The following CCDC150 variants were observed in gnomAD, a reference collection of about 807,000 sequenced individuals.
CCDC150 encodes the protein coiled-coil domain-containing protein 150.
Under a neutral mutation model 156.5 loss-of-function variants are expected in CCDC150, and 151 were observed. The ratio of observed to expected loss-of-function variants is 0.97; its 90% confidence interval spans 0.85 to 1.10. The LOEUF is 1.10. CCDC150 is among the 50% of genes least tolerant of loss of function. CCDC150 has a pLI of 0.00. For synonymous variants in CCDC150, 452 were observed against 429.4 expected, an observed-to-expected ratio of 1.05 and a Z score of -0.65; for missense variants, 1,312 against 1,268.1, an observed-to-expected ratio of 1.03 and a Z score of -0.53.
rs1323147038 is a variant in CCDC150, at chr2:196,665,596, C to A, written c.675C>A (p.Tyr225Ter). The change falls in exon 6 of 28, where the codon TAC becomes TAA. Residue 225 changes from tyrosine (Y) to a stop codon, truncating the protein, a stop_gained. Coordinates refer to ENST00000389175, the MANE Select transcript of CCDC150 (RefSeq NM_001080539.2). LOFTEE classifies it high-confidence loss of function. ...ELRRQLAQEK[Y>*]LRESLEKSAS... ...GGAGACAACTGGCTCAGGAGAAGTA[C>A]CTTAGGGAATCTTTAGAGAAATCAG... 20 of 1,604,338 alleles carry A rather than the reference C, an allele frequency of 1.2e-5. No homozygotes were observed. The highest frequency in any genetic ancestry group is 1.7e-4 in the Middle Eastern group (1 of 6,044).
intron 13 of CCDC150, among the ~76,000 whole-genome samples, chr2:196,692,848 G>A (rs1360631213): frequency 1.3e-5 from 2 of 152,142 alleles, no homozygotes; most frequent in African/African-American, 4.8e-5. Flanking sequence ...ATTTGATCTA[G>A]TGCTGAGTTC....
At chr2:196,721,212 A>C (rs1194192298) in intron 20 of CCDC150, among the ~76,000 whole-genome samples, 1 of 150,414 alleles carries the variant, frequency 6.6e-6, no homozygotes, top group Non-Finnish European at 1.5e-5. Flanking sequence ...AATTTAGTTT[A>C]AAATTTAAAA....
chr2:196,639,807 G>A, intron 1 of CCDC150, 29 bp downstream of exon 1: 1 of 1,571,950 alleles, frequency 6.4e-7, no homozygotes, highest in Non-Finnish European at 8.7e-7. Context: ...GGGCTGGTGA[G>A]GGGTGGTCGG....
chr2:196,696,257 A>C (rs1695819448), intron 14 of CCDC150, among the ~76,000 whole-genome samples: 1 of 152,182 alleles, frequency 6.6e-6, no homozygotes, highest in African/African-American at 2.4e-5. Context: ...CAGATAGCTA[A>C]CATTTATTGA....
rs1420741447 is a variant in CCDC150, at chr2:196,712,693, G to A, written c.1820G>A (p.Ser607Asn). ...TKYAQANSEL[S>N]AKRVHLQQAD... ...GAATTAAAGGCAAACTCAGAACTCA[G>A]TGCCAAGAGGGTACACCTGCAGCAG... The change falls in exon 17 of 28, where the codon AGT becomes AAT. Residue 607 changes from serine to asparagine, a missense_variant. Ser to Asn is a conservative substitution (Grantham distance 46). Transcript: ENST00000389175. 5 of 1,610,664 alleles carry A rather than the reference G, an allele frequency of 3.1e-6. No individual in the cohort carries two copies. The East Asian group carries it at 6.7e-5, about 22-fold the overall frequency.
intron 7 of CCDC150, among the ~76,000 whole-genome samples, chr2:196,668,626 A>G (rs900735017): frequency 6.6e-6 from 1 of 152,212 alleles, no homozygotes; most frequent in African/African-American, 2.4e-5. Flanking sequence ...AGGTACAAGT[A>G]GTTGTTTGAG....
rs766427756 is a variant in CCDC150, at chr2:196,726,110, G to C, written c.2556+11G>C. The C allele has an allele frequency of 3.1e-6, 5 of 1,611,810 alleles. No individual in the cohort carries two copies. In the East Asian group the frequency reaches 1.1e-4, roughly 36 times the overall value. On this transcript the variant is annotated intron_variant, in intron 22 of 27. Coordinates refer to ENST00000389175, the MANE Select transcript of CCDC150 (RefSeq NM_001080539.2). ...CGGGAAGTGGCTGAGGTATAGTCATGAGAAAAGTTTCTCTTTTGGTGAATG... is the reference window on the plus strand; with the variant it reads ...CGGGAAGTGGCTGAGGTATAGTCATCAGAAAAGTTTCTCTTTTGGTGAATG...
At chr2:196,660,085 A>G (rs1693469539) in intron 5 of CCDC150, among the ~76,000 whole-genome samples, 1 of 152,074 alleles carries the variant, frequency 6.6e-6, no homozygotes, top group African/African-American at 2.4e-5. Flanking sequence ...TCTTTTTTGT[A>G]CTGGCTTCTT....
Position 196,696,334 on chromosome 2 carries a change from A to T in CCDC150, c.1623+1175A>T, listed in dbSNP as rs554584246. ...TGTAAGTGCCTATTGGAATGACAAG[A>T]TCCATTAGCTGTAATCCCTGGTATT... On this transcript the variant is annotated intron_variant, in intron 14 of 27. Transcript: ENST00000389175. 3.3e-5 allele frequency among the ~76,000 whole-genome samples: 5 copies of T among 152,026 alleles called. No homozygotes were observed. The East Asian group carries it at 9.6e-4, about 29-fold the overall frequency.
intron 13 of CCDC150, among the ~76,000 whole-genome samples, chr2:196,684,154 A>C (rs1417806594): frequency 6.6e-6 from 1 of 152,038 alleles, no homozygotes; most frequent in Non-Finnish European, 1.5e-5. Context: ...GGTTCAGGGG[A>C]GTGCCCATAA....
chr2:196,639,773 T>G lies in CCDC150; in HGVS notation c.7T>G (p.Cys3Gly), dbSNP rs1418632826. 6.3e-7 allele frequency: 1 copy of G among 1,580,276 alleles called. No individual in the cohort carries two copies. ...CGGAGCCTCAGGCGGACAGATGGAC[T>G]GTAAGGTGAGGCTGCCGGGCCCCGG... MD[C>G]KVHMETTVSR... The change falls in exon 1 of 28, where the codon TGT becomes GGT. Residue 3 changes from cysteine (C) to glycine (G), a missense_variant. Coordinates refer to ENST00000389175, the MANE Select transcript of CCDC150 (RefSeq NM_001080539.2).
intron 5 of CCDC150, among the ~76,000 whole-genome samples, chr2:196,659,711 A>G (rs909308976): frequency 3.3e-5 from 5 of 152,160 alleles, no homozygotes; most frequent in Admixed American, 1.3e-4. Context: ...TTACAGAAAA[A>G]TTATGCAGAA....
intron 15 of CCDC150, among the ~76,000 whole-genome samples, chr2:196,710,183 T>G (rs1697000519): frequency 6.6e-6 from 1 of 152,248 alleles, no homozygotes; most frequent in Admixed American, 6.5e-5. Context: ...CGAGCTTCCC[T>G]GACTGCTTTG....
At chr2:196,730,256 T>G (rs1190791782) in intron 25 of CCDC150, 138 bp downstream of exon 25, 1 of 676,324 alleles carries the variant, frequency 1.5e-6, no homozygotes, top group Non-Finnish European at 2.4e-6. Flanking sequence ...AGCTAAGTCC[T>G]TAGAATAATA....
chr2:196,714,645 G>A (rs1422648793), intron 17 of CCDC150, among the ~76,000 whole-genome samples: 1 of 152,194 alleles, frequency 6.6e-6, no homozygotes, highest in East Asian at 1.9e-4. Context: ...CACTTTTCCT[G>A]TCCCCAGACC....
At chr2:196,690,427 A>T (rs1034577369) in intron 13 of CCDC150, among the ~76,000 whole-genome samples, 1 of 152,214 alleles carries the variant, frequency 6.6e-6, no homozygotes, top group Non-Finnish European at 1.5e-5. Flanking sequence ...AATTGTACAT[A>T]TACTTGAAGT....
At chr2:196,653,910 G>T (rs558261693) in intron 2 of CCDC150, among the ~76,000 whole-genome samples, 1 of 152,170 alleles carries the variant, frequency 6.6e-6, no homozygotes, top group African/African-American at 2.4e-5. Context: ...CACCAGCATC[G>T]GTTTACCTTC....
chr2:196,715,844 G>A (rs1328029351), intron 17 of CCDC150, among the ~76,000 whole-genome samples: 1 of 151,862 alleles, frequency 6.6e-6, no homozygotes. Flanking sequence ...ATCCATAAAG[G>A]GACAAAAATG....
intron 6 of CCDC150, 65 bp from the exon 7 acceptor site, chr2:196,666,654 G>A: frequency 7.5e-7 from 1 of 1,334,674 alleles, no homozygotes; most frequent in Non-Finnish European, 1.0e-6. Flanking sequence ...TTATACATGT[G>A]CTATAAGGCA....
Sources: allele counts gnomAD v4.1 joint callset (sites outside exome capture counted in the v4.1 genomes callset), GRCh38; gene constraint gnomAD v4.1.1; transcripts MANE v1.5; gene names NCBI Gene and HGNC (gene_info 2026-07-23, HGNC 2026-07-21).